ARHGAP15: variants seen among roughly 807,000 people sequenced by gnomAD.
ARHGAP15 encodes Rho GTPase activating protein 15, also known as rho GTPase-activating protein 15.
ARHGAP15 carries 51 observed loss-of-function variants against 63.7 expected under a neutral mutation model. That is an observed-to-expected ratio of 0.80 (90% CI 0.64 to 1.01). The LOEUF (loss-of-function observed/expected upper bound fraction) is 1.01, where lower values mean the gene tolerates loss of function less well. Ranked by LOEUF, ARHGAP15 falls within the 50% of genes least tolerant of loss-of-function variation. The pLI is 0.00. For synonymous variants in ARHGAP15, 191 were observed against 193.8 expected (o/e 0.99, Z 0.12); for missense variants, 560 against 564.6 (o/e 0.99, Z 0.08).
At chr2:143,367,107 T>C (rs945359403) in intron 6 of ARHGAP15, among the ~76,000 whole-genome samples, 2 of 152,102 alleles carry the variant, frequency 1.3e-5, no homozygotes, top group Non-Finnish European at 2.9e-5. Flanking sequence ...ACTTCTTCAA[T>C]TGATTAGACA....
intron 8 of ARHGAP15, among the ~76,000 whole-genome samples, chr2:143,475,555 AC>A: frequency 1.3e-5 from 2 of 152,384 alleles, no homozygotes; most frequent in Middle Eastern, 3.4e-3. Flanking sequence ...AAGGGAGGCT[AC>A]CACTCTGACA....
intron 13 of ARHGAP15, among the ~76,000 whole-genome samples, chr2:143,755,219 G>T (rs1655685633): frequency 6.7e-6 from 1 of 149,514 alleles, no homozygotes. Context: ...AGCCTTTTTT[G>T]GTATAAAATC....
intron 8 of ARHGAP15, among the ~76,000 whole-genome samples, chr2:143,454,764 G>C (rs1469762068): frequency 6.6e-6 from 1 of 152,014 alleles, no homozygotes; most frequent in Non-Finnish European, 1.5e-5. Flanking sequence ...TATATCTGGT[G>C]AATGAGGGAA....
intron 5 of ARHGAP15, chr2:143,238,349 GA>G (rs1693733641): frequency 6.6e-6 from 1 of 150,878 alleles, no homozygotes; most frequent in Non-Finnish European, 1.5e-5. Flanking sequence ...AAATGTACAA[GA>G]AAAAACAAAC....
chr2:143,568,894 T>C (rs1574645618), intron 11 of ARHGAP15, among the ~76,000 whole-genome samples: 2 of 152,188 alleles, frequency 1.3e-5, no homozygotes, highest in East Asian at 3.9e-4. Context: ...ACTATCATTC[T>C]GAGCAAACTA....
At chr2:143,291,867 G>A (rs781000790) in intron 6 of ARHGAP15, among the ~76,000 whole-genome samples, 8 of 152,082 alleles carry the variant, frequency 5.3e-5, no homozygotes, top group Non-Finnish European at 1.0e-4. Flanking sequence ...AAAGAATTCC[G>A]GAATCTTTTA....
intron 9 of ARHGAP15, among the ~76,000 whole-genome samples, chr2:143,490,201 G>A (rs1033163349): frequency 1.3e-5 from 2 of 151,882 alleles, no homozygotes; most frequent in Non-Finnish European, 2.9e-5. Context: ...GGGTTTCACC[G>A]TGTTAGCCAG....
chr2:143,430,944 A>T (rs1312065714), intron 6 of ARHGAP15, among the ~76,000 whole-genome samples: 1 of 152,030 alleles, frequency 6.6e-6, no homozygotes, highest in African/African-American at 2.4e-5. Flanking sequence ...CTTAGGTTCT[A>T]ATCAAAATGC....
intron 12 of ARHGAP15, among the ~76,000 whole-genome samples, chr2:143,646,313 T>G (rs1407219469): frequency 6.6e-6 from 1 of 152,048 alleles, no homozygotes; most frequent in East Asian, 1.9e-4. Context: ...AAAAAAAGAT[T>G]GTGATATGAG....
chr2:143,752,940 C>T (rs900231674), intron 13 of ARHGAP15, among the ~76,000 whole-genome samples: 1 of 152,116 alleles, frequency 6.6e-6, no homozygotes, highest in African/African-American at 2.4e-5. Flanking sequence ...AGTTCGAGAC[C>T]AGCCTGGGAA....
At chr2:143,301,685 A>G (rs756037183) in intron 6 of ARHGAP15, among the ~76,000 whole-genome samples, 5 of 151,964 alleles carry the variant, frequency 3.3e-5, no homozygotes, top group Non-Finnish European at 5.9e-5. Flanking sequence ...TGGATTAAAT[A>G]TGTATACAAA....
At chr2:143,135,023 A>G (rs1689081588) in intron 1 of ARHGAP15, among the ~76,000 whole-genome samples, 1 of 152,192 alleles carries the variant, frequency 6.6e-6, no homozygotes, top group African/African-American at 2.4e-5. Flanking sequence ...GGAGGAGAAA[A>G]GGAATGAAAA....
intron 13 of ARHGAP15, among the ~76,000 whole-genome samples, chr2:143,753,436 G>T (rs1686456987): frequency 6.6e-6 from 1 of 152,090 alleles, no homozygotes; most frequent in Admixed American, 6.5e-5. Flanking sequence ...AAAAGATGAG[G>T]CATTTCATGT....
At chr2:143,488,706 A>C (rs1201209795) in intron 9 of ARHGAP15, among the ~76,000 whole-genome samples, 1 of 152,234 alleles carries the variant, frequency 6.6e-6, no homozygotes, top group East Asian at 1.9e-4. Context: ...AATTTATAAC[A>C]ACTGTTCAAT....
intron 6 of ARHGAP15, among the ~76,000 whole-genome samples, chr2:143,346,427 T>G (rs1226687194): frequency 6.6e-6 from 1 of 152,086 alleles, no homozygotes; most frequent in Non-Finnish European, 1.5e-5. Context: ...ACGGATTCTT[T>G]ATTGTCTGTG....
intron 6 of ARHGAP15, among the ~76,000 whole-genome samples, chr2:143,419,170 C>T (rs1423910443): frequency 6.6e-6 from 1 of 151,618 alleles, no homozygotes; most frequent in African/African-American, 2.4e-5. Context: ...CCACAAATGC[C>T]TAATTATAAA....
rs1684432316 is a variant in ARHGAP15, at chr2:143,329,915, C to A, written c.474+79315C>A. On this transcript the variant is annotated intron_variant, in intron 6 of 13. Transcript: ENST00000295095. ...AGAAAATTGCCCCCCTGCCCTCCAACCCCCATCACTACAAAAAAAAAAAAA... is the reference window on the plus strand; with the variant it reads ...AGAAAATTGCCCCCCTGCCCTCCAAACCCCATCACTACAAAAAAAAAAAAA... Among the ~76,000 whole-genome samples, 5 of 132,984 alleles carry A rather than the reference C, an allele frequency of 3.8e-5. No individual in the cohort carries two copies. The South Asian group carries it at 9.5e-4, about 25-fold the overall frequency. 87.2% of individuals were successfully genotyped at this position (132,984 alleles called of 152,430 possible). A position where few individuals can be genotyped will look rare whatever the true frequency, so the allele number is the denominator to read the frequency against.
At chr2:143,594,392 T>G (rs1697433763) in intron 11 of ARHGAP15, among the ~76,000 whole-genome samples, 1 of 152,206 alleles carries the variant, frequency 6.6e-6, no homozygotes, top group Non-Finnish European at 1.5e-5. Context: ...TCAGAACTCA[T>G]ACAGATTTAC....
chr2:143,425,940 A>G lies in ARHGAP15; in HGVS notation c.475-9661A>G, dbSNP rs1039551522. On this transcript the variant is annotated intron_variant, in intron 6 of 13. Coordinates refer to ENST00000295095, the MANE Select transcript of ARHGAP15 (RefSeq NM_018460.4). ...AAAGAATTCACTGGTTAATTTCCAA[A>G]TCTCCACCTAATATTTGTTCCTCTC... 9.9e-5 allele frequency among the ~76,000 whole-genome samples: 15 copies of G among 152,152 alleles called. No individual in the cohort carries two copies. In the South Asian group the frequency reaches 1.0e-3, roughly 10 times the overall value.
Sources: allele counts gnomAD v4.1 joint callset (sites outside exome capture counted in the v4.1 genomes callset), GRCh38; gene constraint gnomAD v4.1.1; transcripts MANE v1.5; gene names NCBI Gene and HGNC (gene_info 2026-07-23, HGNC 2026-07-21).